The following RGL4 variants were observed in gnomAD, a reference collection of about 807,000 sequenced individuals.
RGL4 encodes ral-GDS-related protein.
In RGL4, 41 loss-of-function variants were observed where a neutral mutation model predicts 49.6. That is an observed-to-expected ratio of 0.83 (90% CI 0.64 to 1.07). The LOEUF (loss-of-function observed/expected upper bound fraction) is 1.07, where lower values mean the gene tolerates loss of function less well. Among genes scored for constraint, RGL4 ranks in the 50% least tolerant of loss-of-function variants. RGL4 has a pLI of 0.00. For missense variants in RGL4, 610 were observed against 591.9 expected, an observed-to-expected ratio of 1.03 and a Z score of -0.32; for synonymous variants, 255 against 238.0, an observed-to-expected ratio of 1.07 and a Z score of -0.66.
At chr22:23,694,271 T>C in intron 4 of RGL4, 76 bp from the exon 5 acceptor site, 1 of 1,144,900 alleles carries the variant, frequency 8.7e-7, no homozygotes, top group Non-Finnish European at 1.3e-6. Context: ...GGAGGGGAGA[T>C]CTCAGCAGAG....
At chr22:23,697,666 C>T (rs962762286) in intron 8 of RGL4, among the ~76,000 whole-genome samples, 172 bp from the exon 9 acceptor site, 1 of 152,190 alleles carries the variant, frequency 6.6e-6, no homozygotes, top group Non-Finnish European at 1.5e-5. Context: ...GTCCCTGGGC[C>T]TCAGCTCCCA....
chr22:23,694,761 A>G (rs1433398682), intron 5 of RGL4, 189 bp from the exon 6 acceptor site: 16 of 617,472 alleles, frequency 2.6e-5, no homozygotes, highest in Non-Finnish European at 4.3e-5. Flanking sequence ...TGTGAAGTGG[A>G]GATGGGGCCC....
rs201169944 is a variant in RGL4, at chr22:23,692,791, G to A, written c.496G>A (p.Gly166Arg). Residue 166 changes from glycine (G) to arginine (R), a missense_variant, in exon 3 of 11, where the codon GGA becomes AGA. Coordinates refer to ENST00000290691, the MANE Select transcript of RGL4 (RefSeq NM_153615.2). Reference sequence around the variant, plus strand: ...GTCACCTGCAGCCCTGGGTCCACCAGGATATCTACATTCAGCACCAGGGCC... The same window carrying A: ...GTCACCTGCAGCCCTGGGTCCACCAAGATATCTACATTCAGCACCAGGGCC... Reference protein sequence around the residue: ...PESPAALGPPGYLHSAPGPAP... With the variant: ...PESPAALGPPRYLHSAPGPAP... 2.5e-6 allele frequency: 4 copies of A among 1,613,584 alleles called. No homozygotes were observed. Among genetic ancestry groups the A allele is most frequent in the Non-Finnish European group, 8.5e-7 (1 of 1,180,022 alleles).
At position 23,691,792 on chromosome 22, in the gene RGL4, A is replaced by T. The variant is rs984668937; in HGVS notation, c.-239A>T. 8.4e-6 allele frequency: 4 copies of T among 476,354 alleles called. No homozygotes were observed. In the Admixed American group the frequency reaches 9.7e-5, roughly 12 times the overall value. The allele number at this position is 476,354 out of a possible 1,614,324, so 29.5% of individuals were successfully genotyped here. A position where few individuals can be genotyped will look rare whatever the true frequency, so the allele number is the denominator to read the frequency against. ...AGGAGCTCTGGGGCTCATACTTCTT[A>T]TAATTCCCACGAGAAGGCTGACATC... is the stretch of plus-strand genomic sequence containing the variant. On this transcript the variant is annotated 5_prime_UTR_variant, in exon 1 of 11. Transcript: ENST00000290691.
Position 23,691,968 on chromosome 22 carries a change from C to T in RGL4, c.-63C>T, listed in dbSNP as rs1054724675. The T allele has an allele frequency of 4.1e-5, 63 of 1,552,784 alleles. 1 individual carries two copies. In the Admixed American group the frequency reaches 1.0e-3, roughly 25 times the overall value. On this transcript the variant is annotated 5_prime_UTR_variant, in exon 1 of 11. Coordinates refer to ENST00000290691, the MANE Select transcript of RGL4 (RefSeq NM_153615.2). ...GCTTCCCAGCTCTCCCTGTCCTCCT[C>T]CCCCCGACATCTGCCCCTTCCCTCC...
At chr22:23,693,308 C>A in intron 3 of RGL4, 1 of 473,992 alleles carries the variant, frequency 2.1e-6, no homozygotes, top group Non-Finnish European at 3.8e-6. Context: ...AGGAGCCTCA[C>A]TACCCTCAGC....
intron 7 of RGL4, among the ~76,000 whole-genome samples, chr22:23,696,918 T>A (rs894134324): frequency 1.3e-5 from 2 of 152,190 alleles, no homozygotes; most frequent in Non-Finnish European, 2.9e-5. Context: ...CAGGCCTTTG[T>A]GACTTGTTAA....
Position 23,693,886 on chromosome 22 carries a change from ACTGCATCACCACCTC to A in RGL4, c.829_843del (p.Ile277_Cys281del). 6.2e-7 allele frequency: 1 copy of A among 1,613,982 alleles called. No homozygotes were observed. The highest frequency in any genetic ancestry group is 1.1e-5 in the South Asian group (1 of 91,086). Reference sequence around the variant, plus strand: ...ATCGCACACTTCAACAGGCTCACCAACTGCATCACCACCTCCTGCCTCGGGGACCACAGCATGAGG... The same window carrying A: ...ATCGCACACTTCAACAGGCTCACCAACTGCCTCGGGGACCACAGCATGAGG... On this transcript the variant is annotated inframe_deletion, in exon 4 of 11. Coordinates refer to ENST00000290691, the MANE Select transcript of RGL4 (RefSeq NM_153615.2).
intron 8 of RGL4, among the ~76,000 whole-genome samples, chr22:23,697,450 T>C (rs1448563325): frequency 6.6e-6 from 1 of 152,144 alleles, no homozygotes; most frequent in African/African-American, 2.4e-5. Flanking sequence ...GCCCTATTCC[T>C]GAGTGGTGAA....
At chr22:23,697,702 C>A (rs939588563) in intron 8 of RGL4, 136 bp from the exon 9 acceptor site, 8 of 925,890 alleles carry the variant, frequency 8.6e-6, no homozygotes, top group African/African-American at 3.3e-5. Flanking sequence ...AGCCCGGAGC[C>A]TGAGGCAGGT....
chr22:23,698,783 A>T, intron 10 of RGL4, 61 bp from the exon 11 acceptor site: 1 of 1,548,778 alleles, frequency 6.5e-7, no homozygotes, highest in South Asian at 1.2e-5. Flanking sequence ...CTGGGCAGGC[A>T]CTGACAGGGG....
rs1569118090 is a variant in RGL4, at chr22:23,692,318, G to A, written c.180-17G>A. 2.5e-6 allele frequency: 4 copies of A among 1,613,304 alleles called. No individual in the cohort carries two copies. The highest frequency in any genetic ancestry group is 3.4e-6 in the Non-Finnish European group (4 of 1,179,466). The stretch of plus-strand genomic sequence containing the variant: ...AGAAGGCCAGGCCTCTGACTCAGCT[G>A]TCTACTCCATCACCAGCACCATCAC... On this transcript the variant is annotated splice_polypyrimidine_tract_variant and intron_variant, in intron 1 of 10. Coordinates refer to ENST00000290691, the MANE Select transcript of RGL4 (RefSeq NM_153615.2).
chr22:23,694,864 C>A, intron 5 of RGL4, 86 bp from the exon 6 acceptor site: 1 of 1,043,654 alleles, frequency 9.6e-7, no homozygotes, highest in Admixed American at 1.7e-5. Context: ...AGCTGGGATT[C>A]ACTGGGTTTT....
At position 23,699,019 on chromosome 22, in the gene RGL4, TG is replaced by T. The variant is rs1332828538; in HGVS notation, c.*138del. The T allele has an allele frequency of 2.6e-6, 4 of 1,549,722 alleles. No individual in the cohort carries two copies. Among genetic ancestry groups the T allele is most frequent in the Non-Finnish European group, 3.5e-6 (4 of 1,146,906 alleles). Reference sequence around the variant, plus strand: ...CTGGCAGCTCAGCTGCATCTTGCCCTGGATCCTCATCACCAACTGCTCCTGC... The same window carrying T: ...CTGGCAGCTCAGCTGCATCTTGCCCTGATCCTCATCACCAACTGCTCCTGC... On this transcript the variant is annotated 3_prime_UTR_variant, in exon 11 of 11. Transcript: ENST00000290691.
Position 23,698,905 on chromosome 22 carries a change from C to T in RGL4, c.*22C>T. 6.2e-7 allele frequency: 1 copy of T among 1,611,754 alleles called. No homozygotes were observed. The highest frequency in any genetic ancestry group is 1.1e-5 in the South Asian group (1 of 90,392). On this transcript the variant is annotated 3_prime_UTR_variant, in exon 11 of 11. Transcript: ENST00000290691. ...GTAGGCTGGCAACATCCTGCAGTGG[C>T]TGGGAACCCACCGGGATGCTGGCCA...
At chr22:23,693,252 C>G (rs1923258531) in intron 3 of RGL4, 2 of 610,102 alleles carry the variant, frequency 3.3e-6, no homozygotes. Context: ...AGGGCAGGTG[C>G]TCACTGTGGG....
At chr22:23,698,187 T>A in intron 9 of RGL4, 25 bp from the exon 10 acceptor site, 5 of 1,589,930 alleles carry the variant, frequency 3.1e-6, no homozygotes, top group African/African-American at 1.3e-5. Flanking sequence ...CCAGGCCCTG[T>A]CAGCATCCTG....
chr22:23,697,189 G>A lies in RGL4; in HGVS notation c.1180G>A (p.Gly394Arg). The change falls in exon 8 of 11, where the codon GGG becomes AGG. Residue 394 changes from glycine to arginine, a missense_variant. By Grantham distance (125) the Gly-to-Arg change is moderately radical. Coordinates refer to ENST00000290691, the MANE Select transcript of RGL4 (RefSeq NM_153615.2). Reference protein sequence around the residue: ...RQKKGVVPFLGDFLTELQRLD... With the variant: ...RQKKGVVPFLRDFLTELQRLD... The stretch of plus-strand genomic sequence containing the variant: ...GGCACAGGGTGTGGTCCCCTTCCTG[G>A]GGGATTTTCTGACTGAGTTACAGAG... The A allele has an allele frequency of 6.2e-7, 1 of 1,613,512 alleles. No individual in the cohort carries two copies. The highest frequency in any genetic ancestry group is 8.5e-7 in the Non-Finnish European group (1 of 1,179,624).
rs1312244838 is a variant in RGL4, at chr22:23,696,692, A to C, written c.1161+4A>C. ...GAGGCTGCGGAGGCAGAAGAAGGTGAGTGAGCCTGTGGCATGGACGGGCCG... is the reference window on the plus strand; with the variant it reads ...GAGGCTGCGGAGGCAGAAGAAGGTGCGTGAGCCTGTGGCATGGACGGGCCG... On this transcript the variant is annotated splice_donor_region_variant and intron_variant, in intron 7 of 10. Coordinates refer to ENST00000290691, the MANE Select transcript of RGL4 (RefSeq NM_153615.2). 1 of 1,612,298 alleles carries C rather than the reference A, an allele frequency of 6.2e-7. No homozygotes were observed. The highest frequency in any genetic ancestry group is 8.5e-7 in the Non-Finnish European group (1 of 1,179,382).
Sources: gnomAD v4.1 joint callset for allele counts (sites outside exome capture counted in the v4.1 genomes callset) on GRCh38, gnomAD v4.1.1 for gene constraint, MANE v1.5 for transcripts, NCBI Gene and HGNC (gene_info 2026-07-23, HGNC 2026-07-21) for gene names.